LRP1B: variants seen among roughly 807,000 people sequenced by gnomAD.
LRP1B encodes low-density lipoprotein receptor-related protein 1B.
In LRP1B, 217 loss-of-function variants were observed where a neutral mutation model predicts 556.6. That is an observed-to-expected ratio of 0.39 (90% CI 0.35 to 0.44). The LOEUF is 0.44. LRP1B is among the 20% of genes least tolerant of loss of function. The pLI is 1.00. For missense variants in LRP1B, 5,053 were observed against 5,620.8 expected (o/e 0.90, Z 3.23); for synonymous variants, 2,047 against 1,865.8 (o/e 1.10, Z -2.50).
intron 1 of LRP1B, among the ~76,000 whole-genome samples, chr2:142,039,919 G>A (rs2105213008): frequency 6.6e-6 from 1 of 150,560 alleles, no homozygotes; most frequent in Middle Eastern, 3.4e-3. Flanking sequence ...AATCAATTAA[G>A]CAGCACCATT....
chr2:140,625,063 T>A (rs1683607272), intron 41 of LRP1B, among the ~76,000 whole-genome samples: 1 of 152,100 alleles, frequency 6.6e-6, no homozygotes, highest in Admixed American at 6.6e-5. Context: ...ACATGCAGGA[T>A]CTTTCAGGTT....
intron 1 of LRP1B, among the ~76,000 whole-genome samples, chr2:142,116,135 GTGAGC>G (rs1359374851): frequency 1.5e-5 from 2 of 135,360 alleles, no homozygotes; most frequent in Non-Finnish European, 3.1e-5. Flanking sequence ...GGAGGTTGGA[GTGAGC>G]TGAGACCGCA....
chr2:141,965,588 G>T, intron 1 of LRP1B, among the ~76,000 whole-genome samples: 1 of 97,226 alleles, frequency 1.0e-5, no homozygotes, highest in South Asian at 4.3e-4. Context: ...ACACTCTGGG[G>T]ACTGTGGTGG....
intron 6 of LRP1B, among the ~76,000 whole-genome samples, chr2:141,227,103 T>C (rs2105288853): frequency 6.6e-6 from 1 of 152,332 alleles, no homozygotes; most frequent in Admixed American, 6.5e-5. Context: ...TCAAATTTAA[T>C]CTAAGTTATA....
rs543837703 is a variant in LRP1B, at chr2:141,749,355, G to T, written c.205+60924C>A. On this transcript the variant is annotated intron_variant, in intron 2 of 90. Transcript: ENST00000389484. ...TATTGACGTAATCAGATTAATTTAA[G>T]AATGAAAATTAACCCCAACTTTAGA... Among the ~76,000 whole-genome samples, 5 of 152,200 alleles carry T rather than the reference G, an allele frequency of 3.3e-5. No homozygotes were observed. In the South Asian group the frequency reaches 1.0e-3, roughly 32 times the overall value.
At chr2:140,338,256 TATC>T (rs1170875421) in intron 77 of LRP1B, among the ~76,000 whole-genome samples, 1 of 151,808 alleles carries the variant, frequency 6.6e-6, no homozygotes, top group Non-Finnish European at 1.5e-5. Flanking sequence ...AAATTTATGA[TATC>T]ATAAATGACA....
In LRP1B at chr2:140,518,782, A is replaced by G. The variant is rs187632042; in HGVS notation, c.8027-1771T>C. On this transcript the variant is annotated intron_variant, in intron 49 of 90. Coordinates refer to ENST00000389484, the MANE Select transcript of LRP1B (RefSeq NM_018557.3). ...TGCGATTTTTGCACATTGATTTTGTATCCTGAGACTTTGCTTGAAGTTGTT... is the reference window on the plus strand; with the variant it reads ...TGCGATTTTTGCACATTGATTTTGTGTCCTGAGACTTTGCTTGAAGTTGTT... 2.2e-4 allele frequency among the ~76,000 whole-genome samples: 34 copies of G among 152,238 alleles called. 1 individual carries two copies. Among genetic ancestry groups the G allele is most frequent in the African/African-American group, 7.9e-4 (33 of 41,552 alleles).
chr2:141,944,105 G>A (rs1468754441), intron 1 of LRP1B, among the ~76,000 whole-genome samples: 1 of 152,096 alleles, frequency 6.6e-6, no homozygotes, highest in Non-Finnish European at 1.5e-5. Context: ...TTTATACTTG[G>A]CTGTCTCATT....
intron 2 of LRP1B, among the ~76,000 whole-genome samples, chr2:141,499,469 C>T (rs1574016676): frequency 2.0e-5 from 3 of 152,118 alleles, no homozygotes; most frequent in South Asian, 4.1e-4. Context: ...CTCTCAAATC[C>T]TGCTTGGATA....
chr2:140,775,467 A>ATTTT (rs61535948), intron 33 of LRP1B, among the ~76,000 whole-genome samples: 2,337 of 111,136 alleles, frequency 0.021, 60 homozygotes, highest in Middle Eastern at 0.078. Flanking sequence ...TTTTTGGTTG[A>ATTTT]TTTTTTTTTT....
intron 14 of LRP1B, among the ~76,000 whole-genome samples, chr2:141,006,594 G>A (rs2105375550): frequency 6.6e-6 from 1 of 152,066 alleles, no homozygotes; most frequent in Middle Eastern, 3.4e-3. Flanking sequence ...CACAAACCGA[G>A]ATAGTAGAGC....
At chr2:141,874,339 T>C (rs1005312137) in intron 1 of LRP1B, among the ~76,000 whole-genome samples, 4 of 151,864 alleles carry the variant, frequency 2.6e-5, no homozygotes, top group Admixed American at 1.3e-4. Context: ...ATGGAAAATA[T>C]GGTCTGGGCA....
intron 29 of LRP1B, among the ~76,000 whole-genome samples, chr2:140,848,982 A>G (rs967595653): frequency 6.6e-6 from 1 of 152,068 alleles, no homozygotes; most frequent in Non-Finnish European, 1.5e-5. Context: ...CTGGATCAGG[A>G]AATAGGAACA....
rs1002703746 is a variant in LRP1B, at chr2:140,503,084, T to C, written c.8541A>G (p.Thr2847=). The C allele has an allele frequency of 3.7e-6, 6 of 1,613,150 alleles. No individual in the cohort carries two copies. In the African/African-American group the frequency reaches 5.3e-5, roughly 14 times the overall value. ...SPQCGYRQCG[T]EEFSCADGRC... is the part of the protein sequence containing the mutation. ...GCCCATCAGCACAACTAAATTCTTC[T>C]GTACCACACTGTCGATATCCTAGAG... Residue 2847 remains threonine, a synonymous_variant, in exon 54 of 91, where the codon ACA becomes ACG. Transcript: ENST00000389484.
At chr2:140,543,478 A>G (rs912865366) in intron 43 of LRP1B, among the ~76,000 whole-genome samples, 4 of 152,024 alleles carry the variant, frequency 2.6e-5, no homozygotes, top group African/African-American at 9.7e-5. Flanking sequence ...ATAATTCACC[A>G]TAATAGCTGA....
chr2:140,256,476 TTTTTTTTTTTTA>T (rs1681691959), intron 86 of LRP1B, among the ~76,000 whole-genome samples: 1 of 108,012 alleles, frequency 9.3e-6, no homozygotes, highest in Non-Finnish European at 1.9e-5. Context: ...TTTTTTTTTT[TTTTTTTTTTTTA>T]AGACAGAGTC....
chr2:140,583,529 C>T (rs114006292), intron 43 of LRP1B, among the ~76,000 whole-genome samples: 53 of 151,880 alleles, frequency 3.5e-4, no homozygotes, highest in African/African-American at 1.3e-3. Context: ...CTCTAAGATA[C>T]GTCTTTACTT....
chr2:140,532,359 C>T (rs1375754792), intron 47 of LRP1B, among the ~76,000 whole-genome samples: 1 of 151,808 alleles, frequency 6.6e-6, no homozygotes, highest in Admixed American at 6.6e-5. Flanking sequence ...TGGCTCCTTC[C>T]CATACCTTCT....
intron 21 of LRP1B, 152 bp from the exon 22 acceptor site, chr2:140,908,229 C>T: frequency 1.6e-6 from 1 of 629,992 alleles, no homozygotes; most frequent in Non-Finnish European, 2.8e-6. Flanking sequence ...AGTTTATTTT[C>T]ATGACAGCAT....
Sources: gnomAD v4.1 joint callset for allele counts (sites outside exome capture counted in the v4.1 genomes callset) on GRCh38, gnomAD v4.1.1 for gene constraint, MANE v1.5 for transcripts, NCBI Gene and HGNC (gene_info 2026-07-23, HGNC 2026-07-21) for gene names.